The following LRP4 variants were observed in gnomAD, a reference collection of about 807,000 sequenced individuals.
The protein encoded by LRP4 is LDL receptor related protein 4, also known as low-density lipoprotein receptor-related protein 4.
A neutral mutation model predicts 220.3 loss-of-function variants in LRP4; 95 were observed. That is an observed-to-expected ratio of 0.43 (90% CI 0.37 to 0.51). LRP4 has a LOEUF of 0.51. Ranked by LOEUF, LRP4 falls within the 20% of genes least tolerant of loss-of-function variation. The pLI is 0.00. For synonymous variants in LRP4, 903 were observed against 954.6 expected (o/e 0.95, Z 1.00); for missense variants, 1,925 against 2,567.0 (o/e 0.75, Z 5.40).
At chr11:46,893,195 G>C in intron 12 of LRP4, 66 bp from the exon 13 acceptor site, 1 of 1,591,820 alleles carries the variant, frequency 6.3e-7, no homozygotes, top group Non-Finnish European at 8.6e-7. Context: ...CATAGTAATA[G>C]GAGCAAACTC....
Position 46,876,572 on chromosome 11 carries a change from C to T in LRP4, c.3430G>A (p.Gly1144Arg). 6.2e-7 allele frequency: 1 copy of T among 1,614,190 alleles called. No individual in the cohort carries two copies. Among genetic ancestry groups the T allele is most frequent in the Non-Finnish European group, 8.5e-7 (1 of 1,180,036 alleles). ...IGRKVYWTDT[G>R]TNRIEVGNLD... The stretch of plus-strand genomic sequence containing the variant: ...TTGCCCACTTCAATCCGGTTTGTTC[C>T]CGTGTCTGTCCAGTATACTTTCCGG... Residue 1144 changes from glycine to arginine, a missense_variant, in exon 25 of 38, where the codon GGA (glycine) becomes AGA (arginine). Transcript: ENST00000378623.
In LRP4 at chr11:46,875,082, C is replaced by G; in HGVS notation, c.3947G>C (p.Arg1316Thr). Residue 1316 changes from arginine (R) to threonine (T), a missense_variant, in exon 28 of 38, where the codon AGA becomes ACA. Arg to Thr is a moderately conservative substitution (Grantham distance 71, BLOSUM62 -1). Coordinates refer to ENST00000378623, the MANE Select transcript of LRP4 (RefSeq NM_002334.4). The surrounding 1 kb of genome is among the most constrained non-coding windows in gnomAD (Gnocchi z 4.5). ...QPLGFNKCGS[R>T]NGGCSHLCLP... ...GCAGAGGTGGGAGCAGCCGCCATTTCTCGAGCCGCACTTGTTAAAACCTGG... is the reference window on the plus strand; with the variant it reads ...GCAGAGGTGGGAGCAGCCGCCATTTGTCGAGCCGCACTTGTTAAAACCTGG... 1 of 1,613,464 alleles carries G rather than the reference C, an allele frequency of 6.2e-7. No homozygotes were observed. The highest frequency in any genetic ancestry group is 8.5e-7 in the Non-Finnish European group (1 of 1,180,034).
At chr11:46,909,056 T>G (rs1819542781) in intron 1 of LRP4, among the ~76,000 whole-genome samples, 1 of 152,162 alleles carries the variant, frequency 6.6e-6, no homozygotes, top group Non-Finnish European at 1.5e-5. Flanking sequence ...GAGTCTGGAC[T>G]TTCAGTAAGC....
chr11:46,877,347 G>A lies in LRP4; in HGVS notation c.3137-8C>T, dbSNP rs1941047135. 6.2e-7 allele frequency: 1 copy of A among 1,613,996 alleles called. No homozygotes were observed. Among genetic ancestry groups the A allele is most frequent in the African/African-American group, 1.3e-5 (1 of 74,934 alleles). On this transcript the variant is annotated splice_polypyrimidine_tract_variant and splice_region_variant and intron_variant, in intron 22 of 37. Transcript: ENST00000378623. ...TGAGGAAACTGTTCATGCCTGCCAG[G>A]TGGAGAGGAGGGAAGAGGATCACTC...
intron 32 of LRP4, 28 bp downstream of exon 32, chr11:46,868,960 G>A: frequency 6.2e-7 from 1 of 1,614,090 alleles, no homozygotes; most frequent in African/African-American, 1.3e-5. Context: ...AGATGTTAAG[G>A]AAGCAGGCTC....
Position 46,875,477 on chromosome 11 carries a change from C to G in LRP4, c.3904G>C (p.Val1302Leu), listed in dbSNP as rs1158682210. Residue 1302 changes from valine to leucine, a missense_variant, in exon 27 of 38, where the codon GTG (valine) becomes CTG (leucine). By Grantham distance (32) the Val-to-Leu change is conservative (BLOSUM62 1). This residue lies in a region of LRP4 where 1,244 missense variants were observed against 1,624.9 expected (regional missense o/e 0.77). Coordinates refer to ENST00000378623, the MANE Select transcript of LRP4 (RefSeq NM_002334.4). This position sits in a 1 kb window ranked among gnomAD's most constrained non-coding sequence, Gnocchi z 4.5. ...TCACCTAGTGGCTGTGCCCGGTCCA[C>G]AGCCTGCATGTCCATGAGGCCTGGC... ...NLPGLMDMQA[V>L]DRAQPLGFNK... 1 of 1,614,138 alleles carries G rather than the reference C, an allele frequency of 6.2e-7. No individual in the cohort carries two copies. The highest frequency in any genetic ancestry group is 2.2e-5 in the East Asian group (1 of 44,886).
chr11:46,860,233 A>T (rs576857796), intron 37 of LRP4, among the ~76,000 whole-genome samples: 9 of 135,444 alleles, frequency 6.6e-5, no homozygotes, highest in African/African-American at 2.4e-4. Context: ...AGATTCCATT[A>T]AAAAAAAAAA....
intron 31 of LRP4, among the ~76,000 whole-genome samples, chr11:46,871,110 G>C (rs1940849088): frequency 1.3e-5 from 2 of 152,162 alleles, no homozygotes; most frequent in South Asian, 4.1e-4. Flanking sequence ...ACTCCACCCT[G>C]TTGCCACTAA....
chr11:46,880,459 G>A (rs926087348), intron 20 of LRP4, among the ~76,000 whole-genome samples: 4 of 151,578 alleles, frequency 2.6e-5, no homozygotes, highest in Admixed American at 1.3e-4. Context: ...AAAATCAGCC[G>A]AGTGGCCTCA....
chr11:46,860,731 A>G (rs754038587), intron 37 of LRP4, among the ~76,000 whole-genome samples: 2 of 152,214 alleles, frequency 1.3e-5, no homozygotes, highest in Non-Finnish European at 2.9e-5. Flanking sequence ...TCAGCCATGC[A>G]GAGTGGGACA....
At position 46,856,883 on chromosome 11, in the gene LRP4, A is replaced by C. The variant is rs1200147317; in HGVS notation, c.*2100T>G. On this transcript the variant is annotated 3_prime_UTR_variant, in exon 38 of 38. Coordinates refer to ENST00000378623, the MANE Select transcript of LRP4 (RefSeq NM_002334.4). This position sits in a 1 kb window ranked among gnomAD's most constrained non-coding sequence, Gnocchi z 4.1. ...CAGGCAAGGTGATTAAGAAAAGCTAAATTTATATTAAATTATCATAAAGTC... is the reference window on the plus strand; with the variant it reads ...CAGGCAAGGTGATTAAGAAAAGCTACATTTATATTAAATTATCATAAAGTC... 1 of 152,668 alleles carries C rather than the reference A, an allele frequency of 6.6e-6. No individual in the cohort carries two copies. The highest frequency in any genetic ancestry group is 1.5e-5 in the Non-Finnish European group (1 of 68,050). The allele number at this position is 152,668 out of a possible 1,614,324, so 9.5% of individuals were successfully genotyped here.
In LRP4 at chr11:46,902,763, G is replaced by T. The variant is rs781720013; in HGVS notation, c.199+20C>A. ...AGGTCCCTCTCCACCACCTCCCACT[G>T]CCTCTGGGGAGGTACTTACTACATC... On this transcript the variant is annotated intron_variant, in intron 2 of 37. Transcript: ENST00000378623. The T allele has an allele frequency of 6.2e-7, 1 of 1,613,674 alleles. No homozygotes were observed. The highest frequency in any genetic ancestry group is 8.5e-7 in the Non-Finnish European group (1 of 1,179,914).
intron 19 of LRP4, among the ~76,000 whole-genome samples, chr11:46,882,734 C>T (rs1415843304): frequency 6.6e-6 from 1 of 151,330 alleles, no homozygotes; most frequent in Non-Finnish European, 1.5e-5. Flanking sequence ...TCTGTGCCTG[C>T]AGTCCCAGCT....
chr11:46,879,321 A>G lies in LRP4; in HGVS notation c.2815-6T>C. 6.2e-7 allele frequency: 1 copy of G among 1,613,918 alleles called. No homozygotes were observed. Among genetic ancestry groups the G allele is most frequent in the Non-Finnish European group, 8.5e-7 (1 of 1,180,006 alleles). The stretch of plus-strand genomic sequence containing the variant: ...AGCTGGCTTCCAATCAGCACCTGCC[A>G]GGGCCCCAACACTGTGTCATCTTCA... On this transcript the variant is annotated splice_region_variant and splice_polypyrimidine_tract_variant and intron_variant, in intron 20 of 37. Transcript: ENST00000378623.
chr11:46,876,879 G>A lies in LRP4; in HGVS notation c.3278-49C>T, dbSNP rs751416241. On this transcript the variant is annotated intron_variant, in intron 23 of 37. Coordinates refer to ENST00000378623, the MANE Select transcript of LRP4 (RefSeq NM_002334.4). ...ACCTAGACCCTCACCGCCTACAATG[G>A]GACACACACAGCTGATTCATGTCTT... 3 of 1,365,430 alleles carry A rather than the reference G, an allele frequency of 2.2e-6. No individual in the cohort carries two copies. The South Asian group carries it at 3.5e-5, about 16-fold the overall frequency. The allele number at this position is 1,365,430 out of a possible 1,614,324, so 84.6% of individuals were successfully genotyped here.
chr11:46,904,498 TGGACGGACAGAC>T (rs1489088664), intron 1 of LRP4, among the ~76,000 whole-genome samples: 1 of 108,508 alleles, frequency 9.2e-6, no homozygotes, highest in Admixed American at 1.1e-4. Context: ...GATGGATGGA[TGGACGGACAGAC>T]GGATGGATGG....
At position 46,890,617 on chromosome 11, in the gene LRP4, T is replaced by G; in HGVS notation, c.1698-123A>C. On this transcript the variant is annotated intron_variant, in intron 13 of 37. Coordinates refer to ENST00000378623, the MANE Select transcript of LRP4 (RefSeq NM_002334.4). This position sits in a 1 kb window ranked among gnomAD's most constrained non-coding sequence, Gnocchi z 5.3. ...GGACTCCAATGTTTGGTCCACAGAA[T>G]GAATTTTTTTTTTAGACGGGGTCTC... is the stretch of plus-strand genomic sequence containing the variant. 1 of 720,368 alleles carries G rather than the reference T, an allele frequency of 1.4e-6. No individual in the cohort carries two copies. Among genetic ancestry groups the G allele is most frequent in the South Asian group, 1.6e-5 (1 of 62,306 alleles). 44.6% of individuals were successfully genotyped at this position (720,368 alleles called of 1,614,324 possible).
At chr11:46,871,669 G>T in intron 30 of LRP4, 36 bp from the exon 31 acceptor site, 1 of 1,380,276 alleles carries the variant, frequency 7.2e-7, no homozygotes, top group Non-Finnish European at 1.0e-6. Flanking sequence ...TGCTCCAAAC[G>T]CTTGCCAGGG....
chr11:46,859,252 A>G lies in LRP4; in HGVS notation c.5449T>C (p.Ser1817Pro), dbSNP rs772123153. The G allele has an allele frequency of 5.6e-6, 9 of 1,614,076 alleles. No individual in the cohort carries two copies. The highest frequency in any genetic ancestry group is 7.6e-6 in the Non-Finnish European group (9 of 1,180,022). The change falls in exon 38 of 38, where the codon TCT becomes CCT. Residue 1817 changes from serine to proline, a missense_variant. Transcript: ENST00000378623. ...IKIVEGICLL[S>P]GDDAEWDDLK... ...TCATCCCACTCAGCATCATCCCCAG[A>G]CAGGAGGCAGATTCCCTCTACGATC... is the stretch of plus-strand genomic sequence containing the variant.
Sources: gnomAD v4.1 joint callset for allele counts (sites outside exome capture counted in the v4.1 genomes callset) on GRCh38, gnomAD v4.1.1 for gene constraint, gnomAD v4.1.1 regional missense constraint, Gnocchi (gnomAD v3.1) non-coding constraint, MANE v1.5 for transcripts, NCBI Gene and HGNC (gene_info 2026-07-23, HGNC 2026-07-21) for gene names.